The following NNMT variants were observed in gnomAD, a reference collection of about 807,000 sequenced individuals.
NNMT encodes nicotinamide N-methyltransferase.
Under a neutral mutation model 11.7 loss-of-function variants are expected in NNMT, and 10 were observed. The ratio of observed to expected loss-of-function variants is 0.85; its 90% CI spans 0.53 to 1.45. NNMT has a LOEUF of 1.45. Ranked by LOEUF, NNMT falls within the 40% of genes most tolerant of loss-of-function variation. The pLI is 0.00. For missense variants in NNMT, 381 were observed against 319.4 expected (o/e 1.19, Z -1.47); for synonymous variants, 143 against 133.8 (o/e 1.07, Z -0.48).
intron 2 of NNMT, among the ~76,000 whole-genome samples, chr11:114,307,930 C>T (rs1210327873): frequency 1.3e-5 from 2 of 151,956 alleles, no homozygotes; most frequent in African/African-American, 4.8e-5. Context: ...ATGCTCCTTT[C>T]CTTCCTTGCA....
At chr11:114,296,337 C>G (rs1338106025), upstream of NNMT, 2 of 522,304 alleles carry the variant, frequency 3.8e-6, no homozygotes, top group Non-Finnish European at 3.4e-6. Context: ...CCTAAGCTCC[C>G]TTCTCCGGGA....
chr11:114,312,216 G>A lies in NNMT; in HGVS notation c.534G>A (p.Arg178=), dbSNP rs762882062. The A allele has an allele frequency of 1.2e-6, 2 of 1,614,088 alleles. No individual in the cohort carries two copies. The highest frequency in any genetic ancestry group is 2.2e-5 in the South Asian group (2 of 91,086). The stretch of plus-strand genomic sequence containing the variant: ...GCCCAGACCTCCCCACCTACTGCAG[G>A]GCGCTCAGGAACCTCGGCAGCCTAC... ...AACPDLPTYC[R]ALRNLGSLLK... Residue 178 remains arginine (R), a synonymous_variant, in exon 3 of 3, where the codon AGG becomes AGA. Coordinates refer to ENST00000299964, the MANE Select transcript of NNMT (RefSeq NM_006169.3).
At chr11:114,281,395 G>C (rs1945261985) in intron 2 of NNMT, among the ~76,000 whole-genome samples, 1 of 152,202 alleles carries the variant, frequency 6.6e-6, no homozygotes, top group Non-Finnish European at 1.5e-5. Context: ...TAGTGAGAGA[G>C]AGATGTTCAG....
chr11:114,306,949 C>G lies in NNMT; in HGVS notation c.363-5096C>G, dbSNP rs116406376. Among the ~76,000 whole-genome samples the G allele has an allele frequency of 7.2e-3, 1,100 of 152,308 alleles. 10 individuals are homozygous for G. Among genetic ancestry groups the G allele is most frequent in the African/African-American group, 0.023 (954 of 41,566 alleles). Reference sequence around the variant, plus strand: ...AGTTGTGCCAAATGTGTTCCACAAACTAGTGAACCACTTCTATTCCAAAGC... The same window carrying G: ...AGTTGTGCCAAATGTGTTCCACAAAGTAGTGAACCACTTCTATTCCAAAGC... On this transcript the variant is annotated intron_variant, in intron 2 of 2. Coordinates refer to ENST00000299964, the MANE Select transcript of NNMT (RefSeq NM_006169.3).
At chr11:114,286,055 C>G (rs1406668666) in intron 2 of NNMT, among the ~76,000 whole-genome samples, 1 of 152,210 alleles carries the variant, frequency 6.6e-6, no homozygotes, top group Admixed American at 6.5e-5. Context: ...ATGTTCTCCT[C>G]CATCCTTGCC....
upstream of NNMT, among the ~76,000 whole-genome samples, chr11:114,293,652 G>A (rs1052037056): frequency 3.3e-5 from 5 of 151,596 alleles, no homozygotes; most frequent in African/African-American, 4.8e-5. Context: ...ATGCTGGCAA[G>A]GATATGGAGA....
intron 1 of NNMT, among the ~76,000 whole-genome samples, chr11:114,260,059 G>A (rs1176301172): frequency 6.6e-6 from 1 of 152,178 alleles, no homozygotes; most frequent in Non-Finnish European, 1.5e-5. Context: ...CTATGACAGA[G>A]TGGGAACATA....
chr11:114,302,304 A>G (rs1376438896), intron 2 of NNMT, among the ~76,000 whole-genome samples: 1 of 151,950 alleles, frequency 6.6e-6, no homozygotes, highest in Non-Finnish European at 1.5e-5. Context: ...AAGTGTACAT[A>G]TTTTTAGTAT....
chr11:114,269,936 T>C (rs1287746577), intron 2 of NNMT, among the ~76,000 whole-genome samples: 1 of 152,166 alleles, frequency 6.6e-6, no homozygotes, highest in African/African-American at 2.4e-5. Flanking sequence ...TCATAGATTT[T>C]CCTCTCCTTA....
intron 2 of NNMT, among the ~76,000 whole-genome samples, chr11:114,308,535 C>T (rs1051085951): frequency 6.6e-6 from 1 of 152,146 alleles, no homozygotes; most frequent in Non-Finnish European, 1.5e-5. Flanking sequence ...CCTCCCCATA[C>T]CCCTCAGGCT....
At chr11:114,283,715 C>G (rs537806140) in intron 2 of NNMT, among the ~76,000 whole-genome samples, 2 of 152,206 alleles carry the variant, frequency 1.3e-5, no homozygotes, top group East Asian at 3.9e-4. Context: ...TTATATTCTG[C>G]CTTTGTTGCT....
At chr11:114,273,189 GT>G (rs1163015046) in intron 2 of NNMT, among the ~76,000 whole-genome samples, 1 of 152,186 alleles carries the variant, frequency 6.6e-6, no homozygotes, top group Admixed American at 6.5e-5. Context: ...AGATTTCCAG[GT>G]GCTCTGCCAT....
At chr11:114,277,342 A>T (rs1317172474) in intron 2 of NNMT, among the ~76,000 whole-genome samples, 1 of 152,214 alleles carries the variant, frequency 6.6e-6, no homozygotes, top group Non-Finnish European at 1.5e-5. Context: ...TTAGTAAATA[A>T]TTATGTGTGT....
intron 2 of NNMT, among the ~76,000 whole-genome samples, chr11:114,270,074 T>C (rs1565719226): frequency 6.6e-6 from 1 of 152,150 alleles, no homozygotes; most frequent in Non-Finnish European, 1.5e-5. Flanking sequence ...GAGTCTTTTG[T>C]TTTTGTAATG....
upstream of NNMT, chr11:114,296,213 C>T (rs761291593): frequency 4.2e-5 from 8 of 191,788 alleles, no homozygotes; most frequent in Non-Finnish European, 8.6e-5. Flanking sequence ...ATTTTCCTGA[C>T]GAGCTCAAGT....
In NNMT at chr11:114,298,012, C is replaced by G; in HGVS notation, c.216C>G (p.Leu72=). ...CTGGCCCCACTATCTATCAGCTCCT[C>G]TCTGCTTGTGAATCCTTTAAGGAGA... ...IGSGPTIYQL[L]SACESFKEIV... is the part of the protein sequence containing the mutation. Residue 72 remains leucine (L), a synonymous_variant, in exon 2 of 3, where the codon CTC becomes CTG. Transcript: ENST00000299964. 1 of 1,614,044 alleles carries G rather than the reference C, an allele frequency of 6.2e-7. No homozygotes were observed. The highest frequency in any genetic ancestry group is 2.2e-5 in the East Asian group (1 of 44,866).
chr11:114,283,970 G>A (rs1169643098), intron 2 of NNMT, among the ~76,000 whole-genome samples: 2 of 152,124 alleles, frequency 1.3e-5, no homozygotes, highest in Non-Finnish European at 2.9e-5. Flanking sequence ...TCCTAAATAG[G>A]TATCGTACCG....
chr11:114,263,610 C>T (rs1945099977), intron 2 of NNMT, among the ~76,000 whole-genome samples: 2 of 152,224 alleles, frequency 1.3e-5, no homozygotes, highest in South Asian at 4.1e-4. Flanking sequence ...AACCACCTGG[C>T]AGATAACGCA....
intron 2 of NNMT, among the ~76,000 whole-genome samples, chr11:114,301,783 T>C (rs1945441448): frequency 6.6e-6 from 1 of 151,920 alleles, no homozygotes; most frequent in Non-Finnish European, 1.5e-5. Context: ...GATAATGGTA[T>C]GCCAATGTAG....
Sources: allele counts gnomAD v4.1 joint callset (sites outside exome capture counted in the v4.1 genomes callset), GRCh38; gene constraint gnomAD v4.1.1; transcripts MANE v1.5; gene names NCBI Gene and HGNC (gene_info 2026-07-23, HGNC 2026-07-21).